The following SLC25A29 variants were observed in gnomAD, a reference collection of about 807,000 sequenced individuals.
SLC25A29 encodes the protein mitochondrial basic amino acids transporter.
Under a neutral mutation model 10.0 loss-of-function variants are expected in SLC25A29, and 13 were observed. The ratio of observed to expected loss-of-function variants is 1.30; its 90% CI spans 0.85 to 2.07. The LOEUF is 2.07. Ranked by LOEUF, SLC25A29 falls within the 30% of genes most tolerant of loss-of-function variation. The pLI is 0.00. For missense variants in SLC25A29, 475 were observed against 447.6 expected (o/e 1.06, Z -0.55); for synonymous variants, 244 against 221.1 (o/e 1.10, Z -0.92).
At chr14:100,300,130 G>C (rs956191366) in intron 1 of SLC25A29, 5 of 208,818 alleles carry the variant, frequency 2.4e-5, no homozygotes, top group African/African-American at 1.2e-4. Flanking sequence ...AATTAGCCAG[G>C]TGTGGTGGCG....
At chr14:100,283,084 C>T in the SLC25A29 span, among the ~76,000 whole-genome samples, 6 of 152,232 alleles carry the variant, frequency 3.9e-5, no homozygotes, top group Non-Finnish European at 8.8e-5. Flanking sequence ...GAAATGCCCA[C>T]GCAGCCGGAC....
intron 1 of SLC25A29, chr14:100,299,552 G>C: frequency 2.0e-6 from 2 of 985,850 alleles, no homozygotes; most frequent in Non-Finnish European, 2.4e-6. Flanking sequence ...GGTCATCCTT[G>C]GTTCTTCAGG....
intron 1 of SLC25A29, among the ~76,000 whole-genome samples, chr14:100,304,524 G>T (rs1293828308): frequency 6.6e-6 from 1 of 152,198 alleles, no homozygotes; most frequent in Non-Finnish European, 1.5e-5. Flanking sequence ...GCCTTAGCTG[G>T]GTGGCCATTA....
rs187606740 is a variant in SLC25A29 at position 100,301,916 on chromosome 14, C to T, written c.35-3031G>A. ...CCCACCCACCCCAGTAAGAGCTACC[C>T]GAAGAAGGCTCCCATCCCTGCCACC... On this transcript the variant is annotated intron_variant, in intron 1 of 3. Coordinates refer to ENST00000359232, the MANE Select transcript of SLC25A29 (RefSeq NM_001039355.3). Among the ~76,000 whole-genome samples, 377 of 152,228 alleles carry T rather than the reference C, an allele frequency of 2.5e-3. 1 individual carries two copies. The highest frequency in any genetic ancestry group is 8.8e-3 in the African/African-American group (366 of 41,534).
intron 1 of SLC25A29, among the ~76,000 whole-genome samples, chr14:100,302,134 C>T (rs143401552): frequency 0.01 from 1,559 of 152,102 alleles, 40 homozygotes; most frequent in African/African-American, 0.036. Context: ...AAACCTCCAC[C>T]TCCCAGGTTC....
At position 100,298,782 on chromosome 14, in the gene SLC25A29, A is replaced by G. The variant is rs1892340876; in HGVS notation, c.78+60T>C. On this transcript the variant is annotated intron_variant, in intron 2 of 3. Transcript: ENST00000359232. ...CGGAAACAGGCTTCCAGCCACCCCA[A>G]CCCTGTGAGCCTCTCTCCAATGTAC... 5.0e-6 allele frequency: 8 copies of G among 1,609,678 alleles called. No individual in the cohort carries two copies. The Admixed American group carries it at 1.3e-4, about 27-fold the overall frequency.
rs758459894 is a variant in SLC25A29 at position 100,292,644 on chromosome 14, C to T, written c.551G>A (p.Gly184Asp). ...CAGCTTGGGCACCAGCAGGCGGTCG[C>T]CCGGCTCGCAGCCCAGCGCCCGCGT... ...ALTRALGCEP[G>D]DRLLVPKLLL... is the part of the protein sequence containing the mutation. Residue 184 changes from glycine to aspartate, a missense_variant, in exon 4 of 4, where the codon GGC becomes GAC. By Grantham distance (94) the Gly-to-Asp change is moderately conservative (BLOSUM62 -1). Transcript: ENST00000359232. The T allele has an allele frequency of 2.5e-6, 4 of 1,595,142 alleles. No homozygotes were observed. Among genetic ancestry groups the T allele is most frequent in the Non-Finnish European group, 3.4e-6 (4 of 1,172,708 alleles).
chr14:100,293,373 C>T lies in SLC25A29; in HGVS notation c.83G>A (p.Arg28Gln), dbSNP rs1442111715. ...CTTCTCCACGCTCTGGACCTGAAGC[C>T]GTACCTGGAAGGAGAGGGTCCAGTG... ...VGHPFDTVKV[R>Q]LQVQSVEKPQ... The change falls in exon 3 of 4, where the codon CGG (arginine) becomes CAG (glutamine). Residue 28 changes from arginine (R) to glutamine (Q), a missense_variant. By Grantham distance (43) the Arg-to-Gln change is conservative. Coordinates refer to ENST00000359232, the MANE Select transcript of SLC25A29 (RefSeq NM_001039355.3). The T allele has an allele frequency of 1.1e-5, 17 of 1,612,834 alleles. No homozygotes were observed. Among genetic ancestry groups the T allele is most frequent in the Middle Eastern group, 1.7e-4 (1 of 6,056 alleles).
chr14:100,292,868 G>A lies in SLC25A29; in HGVS notation c.327C>T (p.Ile109=), dbSNP rs745378979. The stretch of plus-strand genomic sequence containing the variant: ...TCTTGGCCAGCTCCATGGGGCAGCA[G>A]ATGACGCACTGGATGGCGCCCGCCG... ...GAAAGAIQCV[I]CCPMELAKTR... The change falls in exon 4 of 4, where the codon ATC becomes ATT. Residue 109 remains isoleucine (I), a synonymous_variant. Coordinates refer to ENST00000359232, the MANE Select transcript of SLC25A29 (RefSeq NM_001039355.3). 3 of 1,601,402 alleles carry A rather than the reference G, an allele frequency of 1.9e-6. No homozygotes were observed. The highest frequency in any genetic ancestry group is 2.7e-5 in the African/African-American group (2 of 74,784).
intron 1 of SLC25A29, chr14:100,305,126 TCCCCTCAGCGCACAACACCTCCCCAACA>T (rs1892828925): frequency 6.6e-6 from 1 of 151,786 alleles, no homozygotes; most frequent in African/African-American, 2.4e-5. Context: ...AAGTTCTAAC[TCCCCTCAGCGCACAACACCTCCCCAACA>T]CACTCCCTTT....
At chr14:100,287,350 C>G (rs910745663), downstream of SLC25A29, among the ~76,000 whole-genome samples, 1 of 152,248 alleles carries the variant, frequency 6.6e-6, no homozygotes, top group African/African-American at 2.4e-5. Context: ...GACCTGAGCA[C>G]CAGCCCTCAC....
downstream of SLC25A29, among the ~76,000 whole-genome samples, chr14:100,286,487 C>A: frequency 1.0e-5 from 1 of 99,400 alleles, no homozygotes; most frequent in Non-Finnish European, 2.1e-5. Flanking sequence ...GGGGGTGTTG[C>A]TTGCAGAGGG....
the SLC25A29 span, among the ~76,000 whole-genome samples, chr14:100,283,631 T>C: frequency 7.2e-4 from 110 of 151,994 alleles, no homozygotes; most frequent in African/African-American, 2.6e-3. Context: ...AGGTTGTGTG[T>C]GCCACCATGC....
chr14:100,287,207 G>A (rs1368188109), downstream of SLC25A29, among the ~76,000 whole-genome samples: 3 of 152,262 alleles, frequency 2.0e-5, no homozygotes, highest in Non-Finnish European at 4.4e-5. Flanking sequence ...TGCACCTGAT[G>A]TCCAAAGGGA....
chr14:100,286,240 C>T (rs1460038909), downstream of SLC25A29, among the ~76,000 whole-genome samples: 3 of 152,138 alleles, frequency 2.0e-5, no homozygotes, highest in Non-Finnish European at 2.9e-5. Flanking sequence ...TGACTTTGCA[C>T]CCCTGGCCCT....
chr14:100,301,821 T>C (rs1892571823), intron 1 of SLC25A29, among the ~76,000 whole-genome samples: 2 of 152,094 alleles, frequency 1.3e-5, no homozygotes, highest in South Asian at 4.2e-4. Context: ...TTCCTGCTTC[T>C]AATACGTCTA....
chr14:100,284,373 C>G, the SLC25A29 span, among the ~76,000 whole-genome samples: 1 of 152,154 alleles, frequency 6.6e-6, no homozygotes, highest in Non-Finnish European at 1.5e-5. Context: ...CTCAGGGCTC[C>G]CCGACTGCCC....
At chr14:100,287,938 T>C (rs1891578277), downstream of SLC25A29, among the ~76,000 whole-genome samples, 1 of 152,050 alleles carries the variant, frequency 6.6e-6, no homozygotes, top group East Asian at 1.9e-4. Context: ...CCGTGGTCTC[T>C]CCCACTGCAC....
In SLC25A29 at chr14:100,292,931, GC is replaced by G; in HGVS notation, c.263del (p.Gly88AlafsTer259). The stretch of plus-strand genomic sequence containing the variant: ...GGAACTGGTTGAGGGGCGAGTCGTG[GC>G]CCAGGGCCCGGAGGGTGTTGCCCTG... ...GVQGNTLRAL[G>X]HDSPLNQFLA... On this transcript the variant is annotated frameshift_variant, in exon 4 of 4. Transcript: ENST00000359232. LOFTEE classifies it low-confidence loss of function (END_TRUNC). The G allele has an allele frequency of 6.2e-7, 1 of 1,607,016 alleles. No individual in the cohort carries two copies. The highest frequency in any genetic ancestry group is 1.7e-5 in the Admixed American group (1 of 59,486).
Sources: allele counts gnomAD v4.1 joint callset (sites outside exome capture counted in the v4.1 genomes callset), GRCh38; gene constraint gnomAD v4.1.1; transcripts MANE v1.5; gene names NCBI Gene and HGNC (gene_info 2026-07-23, HGNC 2026-07-21).